Variants in PLB1 observed in about 807,000 individuals in gnomAD.
PLB1 encodes the protein phospholipase B1, also known as phospholipase B1, membrane-associated.
Under a neutral mutation model 227.4 loss-of-function variants are expected in PLB1, and 242 were observed. The ratio of observed to expected loss-of-function variants is 1.06; its 90% CI spans 0.96 to 1.18. The LOEUF is 1.18. Ranked by LOEUF, PLB1 falls within the 50% of genes most tolerant of loss-of-function variation. PLB1 has a pLI of 0.00. For synonymous variants in PLB1, 757 were observed against 682.2 expected (o/e 1.11, Z -1.71); for missense variants, 1,858 against 1,816.3 (o/e 1.02, Z -0.42).
At chr2:28,548,658 C>T in intron 14 of PLB1, 2 of 638,640 alleles carry the variant, frequency 3.1e-6, no homozygotes, top group Non-Finnish European at 5.9e-6. Flanking sequence ...ATCAGAATCG[C>T]CTGGAGAGCT....
At chr2:28,502,866 T>C (rs1236128284) in intron 1 of PLB1, among the ~76,000 whole-genome samples, 2 of 152,184 alleles carry the variant, frequency 1.3e-5, no homozygotes, top group Admixed American at 6.5e-5. Context: ...TGGAATATTA[T>C]TTTTTGGTAG....
At chr2:28,610,314 CTT>C (rs34563648) in intron 43 of PLB1, among the ~76,000 whole-genome samples, 3 of 146,426 alleles carry the variant, frequency 2.0e-5, no homozygotes, top group African/African-American at 5.0e-5. Context: ...AGAACCAGCA[CTT>C]TTTTTTTTTT....
chr2:28,579,824 CT>C, intron 23 of PLB1, 117 bp downstream of exon 23: 1 of 853,012 alleles, frequency 1.2e-6, no homozygotes, highest in Non-Finnish European at 2.0e-6. Context: ...CATGGTTTGT[CT>C]TGGATCCAGC....
chr2:28,565,928 G>A (rs1030507972), intron 19 of PLB1, among the ~76,000 whole-genome samples: 1 of 152,176 alleles, frequency 6.6e-6, no homozygotes, highest in Non-Finnish European at 1.5e-5. Context: ...CTCAGAGAGG[G>A]CAAGTAACCT....
At chr2:28,632,792 T>G in intron 55 of PLB1, 152 bp from the exon 56 acceptor site, 2 of 618,808 alleles carry the variant, frequency 3.2e-6, no homozygotes, top group South Asian at 2.0e-5. Flanking sequence ...AATTCTAAAT[T>G]CTGGGAGTTT....
At chr2:28,567,394 C>T (rs971741636) in intron 20 of PLB1, among the ~76,000 whole-genome samples, 22 of 151,572 alleles carry the variant, frequency 1.5e-4, no homozygotes, top group Admixed American at 1.3e-4. Context: ...GCAGGCTGTG[C>T]AGACACAGCC....
Position 28,621,335 on chromosome 2 carries a change from C to T in PLB1, c.3527+357C>T, listed in dbSNP as rs550495116. On this transcript the variant is annotated intron_variant, in intron 49 of 57. Coordinates refer to ENST00000327757, the MANE Select transcript of PLB1 (RefSeq NM_153021.5). ...GCGCTGTCCCTGCTGGCTCCAGCTC[C>T]ACCTCCTGCCCAGCAGGTCAAACGT... Among the ~76,000 whole-genome samples, 37 of 152,330 alleles carry T rather than the reference C, an allele frequency of 2.4e-4. No individual in the cohort carries two copies. The South Asian group carries it at 7.5e-3, about 31-fold the overall frequency.
intron 20 of PLB1, among the ~76,000 whole-genome samples, chr2:28,567,945 A>G (rs1677332844): frequency 6.6e-6 from 1 of 152,096 alleles, no homozygotes; most frequent in Non-Finnish European, 1.5e-5. Flanking sequence ...TCCCATTTTC[A>G]TTTACTTTCC....
chr2:28,597,389 T>C (rs1204360995), intron 33 of PLB1, among the ~76,000 whole-genome samples: 1 of 151,012 alleles, frequency 6.6e-6, no homozygotes, highest in African/African-American at 2.4e-5. Context: ...AAAATAGAAA[T>C]AGTACTTGTC....
intron 1 of PLB1, among the ~76,000 whole-genome samples, chr2:28,500,728 A>G (rs1193841398): frequency 6.6e-6 from 1 of 152,148 alleles, no homozygotes; most frequent in East Asian, 1.9e-4. Flanking sequence ...CTCGGGCAAT[A>G]TAGTGAGACC....
intron 17 of PLB1, among the ~76,000 whole-genome samples, chr2:28,555,609 A>G (rs1477850057): frequency 6.6e-6 from 1 of 152,236 alleles, no homozygotes; most frequent in African/African-American, 2.4e-5. Context: ...AATCAAAATA[A>G]TCTGATATAT....
intron 8 of PLB1, 23 bp downstream of exon 8, chr2:28,529,802 C>G: frequency 6.2e-7 from 1 of 1,612,672 alleles, no homozygotes; most frequent in Non-Finnish European, 8.5e-7. Context: ...CCAACTCTGG[C>G]ATGGCTGGGC....
At chr2:28,609,907 T>A (rs966081015) in intron 43 of PLB1, among the ~76,000 whole-genome samples, 7 of 152,140 alleles carry the variant, frequency 4.6e-5, no homozygotes, top group African/African-American at 1.4e-4. Context: ...TCTCATCACT[T>A]TGTACGTTAA....
Position 28,614,068 on chromosome 2 carries a change from A to G in PLB1, c.3167A>G (p.Tyr1056Cys). ...CTGAGAACCCCTCGGAATAGTAACT[A>G]CACGTACCCCATCAAGCCAGCCATT... is the stretch of plus-strand genomic sequence containing the variant. ...PFLRTPRNSN[Y>C]TYPIKPAIEN... The change falls in exon 44 of 58, where the codon TAC becomes TGC. Residue 1056 changes from tyrosine (Y) to cysteine (C), a missense_variant. Transcript: ENST00000327757. 6.2e-7 allele frequency: 1 copy of G among 1,613,260 alleles called. No individual in the cohort carries two copies. Among genetic ancestry groups the G allele is most frequent in the Non-Finnish European group, 8.5e-7 (1 of 1,179,372 alleles).
intron 13 of PLB1, 94 bp downstream of exon 13, chr2:28,541,905 G>A (rs1672549746): frequency 6.0e-6 from 6 of 995,558 alleles, no homozygotes; most frequent in South Asian, 5.6e-5. Flanking sequence ...GGCCGAGGTG[G>A]GTGGATTACT....
At chr2:28,600,338 G>A (rs1683669916) in intron 35 of PLB1, among the ~76,000 whole-genome samples, 1 of 152,230 alleles carries the variant, frequency 6.6e-6, no homozygotes, top group South Asian at 2.1e-4. Flanking sequence ...GCCATTGGAG[G>A]AAATAAAGAG....
intron 53 of PLB1, among the ~76,000 whole-genome samples, chr2:28,629,701 G>A (rs766165755): frequency 3.9e-5 from 6 of 152,206 alleles, no homozygotes; most frequent in Non-Finnish European, 7.3e-5. Flanking sequence ...ACTACCAAGA[G>A]CAGGGTCTTA....
chr2:28,539,083 C>T lies in PLB1; in HGVS notation c.619-16C>T. On this transcript the variant is annotated splice_polypyrimidine_tract_variant and intron_variant, in intron 10 of 57. Transcript: ENST00000327757. The stretch of plus-strand genomic sequence containing the variant: ...ACTTGGCAAATACTCACCTCCCTCT[C>T]TGTGTGTCCTCCTAGGTCCCCAGAG... 6.2e-7 allele frequency: 1 copy of T among 1,606,308 alleles called. No individual in the cohort carries two copies. The highest frequency in any genetic ancestry group is 8.5e-7 in the Non-Finnish European group (1 of 1,172,726).
chr2:28,618,247 A>G (rs1263919481), intron 45 of PLB1, 94 bp from the exon 46 acceptor site: 3 of 1,117,160 alleles, frequency 2.7e-6, no homozygotes, highest in Non-Finnish European at 4.0e-6. Context: ...AATGGGGAGC[A>G]GTGGGACAGA....
Sources: allele counts gnomAD v4.1 joint callset (sites outside exome capture counted in the v4.1 genomes callset), GRCh38; gene constraint gnomAD v4.1.1; transcripts MANE v1.5; gene names NCBI Gene and HGNC (gene_info 2026-07-23, HGNC 2026-07-21).